Variants in PTPN22 observed in about 807,000 individuals in gnomAD.
PTPN22 encodes protein tyrosine phosphatase non-receptor type 22.
Under a neutral mutation model 103.3 loss-of-function variants are expected in PTPN22, and 85 were observed. The observed-to-expected ratio is 0.82, with a 90% confidence interval of 0.69 to 0.99. PTPN22 has a LOEUF of 0.99. Among genes scored for constraint, PTPN22 ranks in the 50% least tolerant of loss-of-function variants. PTPN22 has a pLI of 0.00. For missense variants in PTPN22, 865 were observed against 936.9 expected (o/e 0.92, Z 1.00); for synonymous variants, 323 against 310.2 (o/e 1.04, Z -0.43).
At chr1:113,834,861 C>T in intron 14 of PTPN22, 49 bp downstream of exon 14, 1 of 1,362,204 alleles carries the variant, frequency 7.3e-7, no homozygotes. Context: ...AGGCATGAGC[C>T]ACCATGCCCA....
At chr1:113,853,667 CTTTATGTAT>C (rs1463557607) in intron 9 of PTPN22, among the ~76,000 whole-genome samples, 1 of 150,432 alleles carries the variant, frequency 6.6e-6, no homozygotes, top group Non-Finnish European at 1.5e-5. Flanking sequence ...CTTTCTTTTC[CTTTATGTAT>C]TTTATTTTTA....
At chr1:113,835,354 T>C (rs1662897621) in intron 13 of PTPN22, among the ~76,000 whole-genome samples, 1 of 151,984 alleles carries the variant, frequency 6.6e-6, no homozygotes, top group Non-Finnish European at 1.5e-5. Flanking sequence ...GTGTCTCTAC[T>C]AAAAACACAA....
intron 5 of PTPN22, 133 bp from the exon 6 acceptor site, chr1:113,856,752 C>G (rs1665116591): frequency 1.6e-5 from 18 of 1,105,712 alleles, no homozygotes; most frequent in Non-Finnish European, 2.2e-5. Context: ...GGGCTTCAAC[C>G]CCTACATTAT....
chr1:113,834,166 C>T (rs778871988), intron 15 of PTPN22, 143 bp downstream of exon 15: 4 of 895,154 alleles, frequency 4.5e-6, no homozygotes, highest in Non-Finnish European at 6.6e-6. Context: ...CTTATACATC[C>T]TTTTTATCCC....
At chr1:113,870,592 C>G (rs1252548680) in intron 1 of PTPN22, among the ~76,000 whole-genome samples, 1 of 152,110 alleles carries the variant, frequency 6.6e-6, no homozygotes. Context: ...ACCTTGTACT[C>G]ATGTTTCTCT....
chr1:113,828,677 C>CT (rs2101915817), intron 18 of PTPN22, among the ~76,000 whole-genome samples: 1 of 152,296 alleles, frequency 6.6e-6, no homozygotes, highest in East Asian at 1.9e-4. Context: ...ACGTCTCACT[C>CT]TGTCACCCAG....
At chr1:113,864,065 C>G (rs536336009) in intron 1 of PTPN22, 1 of 302,880 alleles carries the variant, frequency 3.3e-6, no homozygotes, top group South Asian at 2.4e-5. Flanking sequence ...GAGCCAAGAT[C>G]GCACCATTGC....
chr1:113,845,304 G>A (rs1327028847), intron 11 of PTPN22, among the ~76,000 whole-genome samples: 4 of 151,076 alleles, frequency 2.6e-5, no homozygotes, highest in Non-Finnish European at 5.9e-5. Context: ...TCGGGTTCAA[G>A]TGATTCTCCT....
chr1:113,829,299 T>C (rs1662351521), intron 18 of PTPN22: 2 of 185,844 alleles, frequency 1.1e-5, no homozygotes, highest in African/African-American at 2.3e-5. Context: ...CAGTTTGTTA[T>C]GTAGGTAAAC....
chr1:113,841,237 AAAAG>A (rs1663520085), intron 11 of PTPN22, among the ~76,000 whole-genome samples: 1 of 152,172 alleles, frequency 6.6e-6, no homozygotes, highest in African/African-American at 2.4e-5. Context: ...AGGAAAAAAA[AAAAG>A]AGAGAGAATG....
intron 1 of PTPN22, among the ~76,000 whole-genome samples, chr1:113,862,193 G>C (rs533443403): frequency 2.0e-5 from 3 of 152,226 alleles, no homozygotes; most frequent in South Asian, 4.1e-4. Context: ...AAGGCAAGGA[G>C]AATCGCTTGA....
chr1:113,819,682 GA>G, intron 19 of PTPN22, 28 bp from the exon 20 acceptor site: 1 of 1,491,248 alleles, frequency 6.7e-7, no homozygotes, highest in South Asian at 1.2e-5. Flanking sequence ...AAATATAAGG[GA>G]AAGACTAAAG....
chr1:113,841,132 G>A (rs922727431), intron 11 of PTPN22, among the ~76,000 whole-genome samples: 24 of 152,068 alleles, frequency 1.6e-4, no homozygotes, highest in African/African-American at 5.8e-4. Context: ...GCTGAGGCCG[G>A]AGAATCACTT....
chr1:113,840,825 A>G (rs1212040414), intron 11 of PTPN22, among the ~76,000 whole-genome samples: 2 of 152,278 alleles, frequency 1.3e-5, no homozygotes, highest in African/African-American at 4.8e-5. Flanking sequence ...ACATTTACAT[A>G]TGGTGGGCAA....
chr1:113,852,193 T>C (rs962027538), intron 9 of PTPN22, 89 bp from the exon 10 acceptor site: 18 of 950,046 alleles, frequency 1.9e-5, no homozygotes, highest in Non-Finnish European at 2.7e-5. Context: ...CCATGGCATC[T>C]GCTCTTCTAA....
At chr1:113,837,319 G>A (rs914704413) in intron 13 of PTPN22, among the ~76,000 whole-genome samples, 7 of 151,758 alleles carry the variant, frequency 4.6e-5, no homozygotes, top group Non-Finnish European at 7.4e-5. Flanking sequence ...GCGTGGTGGC[G>A]CGCGCCTGTA....
intron 3 of PTPN22, 70 bp from the exon 4 acceptor site, chr1:113,858,643 C>CAT: frequency 2.9e-6 from 2 of 700,346 alleles, no homozygotes; most frequent in Non-Finnish European, 4.4e-6. Context: ...CCTCCGCTTC[C>CAT]TTTTTTTTTT....
exon 15 of PTPN22, chr1:113,834,432 G>A (rs770802644): frequency 8.7e-6 from 14 of 1,612,106 alleles, no homozygotes; most frequent in Non-Finnish European, 7.6e-6. Flanking sequence ...CATTTGGTGA[G>A]AATTCTCCTG....
intron 16 of PTPN22, 76 bp downstream of exon 16, chr1:113,833,035 G>T: frequency 1.5e-6 from 2 of 1,366,654 alleles, no homozygotes; most frequent in South Asian, 1.2e-5. Flanking sequence ...TTCCTGAAGT[G>T]AATTACTCTA....
Sources: allele counts gnomAD v4.1 joint callset (sites outside exome capture counted in the v4.1 genomes callset), GRCh38; gene constraint gnomAD v4.1.1; transcripts MANE v1.5; gene names NCBI Gene and HGNC (gene_info 2026-07-23, HGNC 2026-07-21).